Variants in GNAL observed in about 807,000 individuals in gnomAD.
The protein encoded by GNAL is G protein subunit alpha L, also known as guanine nucleotide-binding protein G(olf) subunit alpha.
In GNAL, 18 loss-of-function variants were observed where a neutral mutation model predicts 55.1. The observed-to-expected ratio is 0.33, with a 90% CI of 0.23 to 0.48. The LOEUF (loss-of-function observed/expected upper bound fraction) is 0.48, where lower values mean the gene tolerates loss of function less well. Ranked by LOEUF, GNAL falls within the 20% of genes least tolerant of loss-of-function variation. GNAL has a pLI of 0.99. For synonymous variants in GNAL, 253 were observed against 237.0 expected (o/e 1.07, Z -0.62); for missense variants, 412 against 614.1 (o/e 0.67, Z 3.48).
intron 4 of GNAL, 72 bp from the exon 5 acceptor site, chr18:11,824,845 TC>T: frequency 1.2e-6 from 1 of 822,948 alleles, no homozygotes; most frequent in South Asian, 1.6e-5. Context: ...TTTTGCAGTT[TC>T]TTTTTCCTTT....
At chr18:11,811,509 G>A (rs969447679) in intron 4 of GNAL, 10 of 152,164 alleles carry the variant, frequency 6.6e-5, no homozygotes, top group African/African-American at 2.4e-4. Flanking sequence ...TCAGCAGTCG[G>A]AGCTAAGAAC....
In GNAL at chr18:11,872,794, G is replaced by A. The variant is rs78081339; in HGVS notation, c.1162+396G>A. Among the ~76,000 whole-genome samples the A allele has an allele frequency of 1.0e-2, 1,521 of 152,256 alleles. 10 individuals are homozygous for A. Among genetic ancestry groups the A allele is most frequent in the Non-Finnish European group, 0.016 (1,067 of 68,020 alleles). On this transcript the variant is annotated intron_variant, in intron 10 of 11. Transcript: ENST00000334049. Reference sequence around the variant, plus strand: ...ATGGTAGTTTCTATTATTTTTTCCCGTGGAAAGAGAGTCTGAGAGAGGAGA... The same window carrying A: ...ATGGTAGTTTCTATTATTTTTTCCCATGGAAAGAGAGTCTGAGAGAGGAGA...
intron 5 of GNAL, among the ~76,000 whole-genome samples, chr18:11,829,288 T>C (rs1483240876): frequency 6.6e-6 from 1 of 152,164 alleles, no homozygotes; most frequent in Non-Finnish European, 1.5e-5. Flanking sequence ...TTCTCCCGTT[T>C]AGCTCGTTTC....
chr18:11,818,705 G>A (rs1445532218), intron 4 of GNAL, among the ~76,000 whole-genome samples: 1 of 152,314 alleles, frequency 6.6e-6, no homozygotes, highest in East Asian at 1.9e-4. Flanking sequence ...CACGTGCCGG[G>A]ACGCACCCTG....
rs576823690 is a variant in GNAL, at chr18:11,796,448, C to T, written c.625-28470C>T. ...AAACAAAATTAGCCAGGCGTGGTGG[C>T]GGGCGCCTGTAGTCCCAGCTACTGG... On this transcript the variant is annotated intron_variant, in intron 4 of 11. Coordinates refer to ENST00000334049, the MANE Select transcript of GNAL (RefSeq NM_182978.4). Among the ~76,000 whole-genome samples, 4 of 151,754 alleles carry T rather than the reference C, an allele frequency of 2.6e-5. No individual in the cohort carries two copies. The South Asian group carries it at 6.3e-4, about 24-fold the overall frequency.
At chr18:11,816,820 A>G (rs74897240) in intron 4 of GNAL, among the ~76,000 whole-genome samples, 1 of 20,388 alleles carries the variant, frequency 4.9e-5, no homozygotes, top group Admixed American at 1.5e-3. Flanking sequence ...TCTCGAAAGA[A>G]AAAAAAAAAA....
At chr18:11,816,960 C>G (rs1011940226) in intron 4 of GNAL, among the ~76,000 whole-genome samples, 1 of 151,786 alleles carries the variant, frequency 6.6e-6, no homozygotes, top group Non-Finnish European at 1.5e-5. Flanking sequence ...ACTATAGAGA[C>G]AGAAGGAACT....
chr18:11,848,782 A>G (rs2035792793), intron 5 of GNAL, among the ~76,000 whole-genome samples: 1 of 152,082 alleles, frequency 6.6e-6, no homozygotes, highest in Non-Finnish European at 1.5e-5. Context: ...TAAAGTTCAT[A>G]TTAACTTTGC....
At chr18:11,851,249 G>A (rs374273299) in intron 5 of GNAL, 370 of 442,250 alleles carry the variant, frequency 8.4e-4, no homozygotes, top group African/African-American at 6.7e-3. Flanking sequence ...GTTCCCCGCC[G>A]CAGCGCCGGA....
At chr18:11,692,014 T>A (rs958423638) in intron 1 of GNAL, among the ~76,000 whole-genome samples, 30 of 151,854 alleles carry the variant, frequency 2.0e-4, no homozygotes, top group African/African-American at 4.8e-5. Context: ...TACCGTAGAA[T>A]GAAAAAAAAA....
chr18:11,767,673 T>C (rs2033454085), intron 4 of GNAL, among the ~76,000 whole-genome samples: 1 of 152,212 alleles, frequency 6.6e-6, no homozygotes, highest in African/African-American at 2.4e-5. Flanking sequence ...TCCCTTAGTT[T>C]GCACAATTGC....
intron 1 of GNAL, among the ~76,000 whole-genome samples, chr18:11,731,530 A>T (rs1210202698): frequency 6.6e-6 from 1 of 152,194 alleles, no homozygotes; most frequent in Non-Finnish European, 1.5e-5. Context: ...TTAGGATTTT[A>T]TTTTTAGTTT....
intron 1 of GNAL, among the ~76,000 whole-genome samples, chr18:11,738,698 C>G (rs909167398): frequency 3.7e-4 from 57 of 152,208 alleles, no homozygotes; most frequent in Non-Finnish European, 5.3e-4. Context: ...ATCCGCCTGC[C>G]TCGGCCTCCC....
chr18:11,881,358 A>G lies in GNAL; in HGVS notation c.*223A>G, dbSNP rs2036686948. 2.3e-6 allele frequency: 1 copy of G among 429,242 alleles called. No individual in the cohort carries two copies. Among genetic ancestry groups the G allele is most frequent in the East Asian group, 3.5e-5 (1 of 28,762 alleles). The allele number at this position is 429,242 out of a possible 1,614,324, so 26.6% of individuals were successfully genotyped here. On this transcript the variant is annotated 3_prime_UTR_variant, in exon 12 of 12. Transcript: ENST00000334049. The surrounding 1 kb of genome is among the most constrained non-coding windows in gnomAD (Gnocchi z 4.8). ...GCAGCATCCCACCCCCAAACCACCGACTCTCATTGCCGACACTGCAGCAGA... is the reference window on the plus strand; with the variant it reads ...GCAGCATCCCACCCCCAAACCACCGGCTCTCATTGCCGACACTGCAGCAGA...
chr18:11,803,424 C>T (rs77143257), intron 4 of GNAL, among the ~76,000 whole-genome samples: 56 of 152,352 alleles, frequency 3.7e-4, no homozygotes, highest in African/African-American at 1.2e-3. Context: ...ATGAATGATA[C>T]TCCATTGTGT....
At position 11,751,923 on chromosome 18, in the gene GNAL, GT is replaced by G. The variant is rs1470580528; in HGVS notation, c.377-929del. On this transcript the variant is annotated intron_variant, in intron 1 of 11. Transcript: ENST00000334049. This position sits in a 1 kb window ranked among gnomAD's most constrained non-coding sequence, Gnocchi z 4.5. ...CGAGCCGGCCCGGCAGGTGCCCATC[GT>G]CGCCCTCTGGGACCCCGGTGGCGCG... is the stretch of plus-strand genomic sequence containing the variant. Among the ~76,000 whole-genome samples the G allele has an allele frequency of 6.6e-6, 1 of 152,188 alleles. No individual in the cohort carries two copies. The highest frequency in any genetic ancestry group is 1.5e-5 in the Non-Finnish European group (1 of 68,018).
At chr18:11,847,961 G>A (rs565565245) in intron 5 of GNAL, among the ~76,000 whole-genome samples, 5 of 152,258 alleles carry the variant, frequency 3.3e-5, no homozygotes, top group African/African-American at 9.6e-5. Flanking sequence ...CAGATACCAC[G>A]GTGGTCAGAG....
chr18:11,712,270 C>G (rs147031852), intron 1 of GNAL, among the ~76,000 whole-genome samples: 1 of 152,264 alleles, frequency 6.6e-6, no homozygotes, highest in East Asian at 1.9e-4. Context: ...TAATTCCACT[C>G]TCTCGGGGAG....
intron 5 of GNAL, among the ~76,000 whole-genome samples, chr18:11,828,177 C>T (rs2035296460): frequency 6.6e-6 from 1 of 152,068 alleles, no homozygotes; most frequent in African/African-American, 2.4e-5. Flanking sequence ...GCTGAAAAGG[C>T]CTTTTATCTT....
Sources: gnomAD v4.1 joint callset for allele counts (sites outside exome capture counted in the v4.1 genomes callset) on GRCh38, gnomAD v4.1.1 for gene constraint, Gnocchi (gnomAD v3.1) non-coding constraint, MANE v1.5 for transcripts, NCBI Gene and HGNC (gene_info 2026-07-23, HGNC 2026-07-21) for gene names.